Variants in CADPS observed in about 807,000 individuals in gnomAD.
CADPS encodes the protein calcium-dependent secretion activator 1.
Under a neutral mutation model 167.3 loss-of-function variants are expected in CADPS, and 57 were observed. The ratio of observed to expected loss-of-function variants is 0.34; its 90% CI spans 0.28 to 0.42. The LOEUF (loss-of-function observed/expected upper bound fraction) is 0.42, where lower values mean the gene tolerates loss of function less well. Ranked by LOEUF, CADPS falls within the 20% of genes least tolerant of loss-of-function variation. The probability of loss-of-function intolerance (pLI) is 1.00; values close to 1 mark genes in which losing one functional copy is unlikely to be tolerated. For missense variants in CADPS, 1,414 were observed against 1,738.1 expected, an observed-to-expected ratio of 0.81 and a Z score of 3.32; for synonymous variants, 676 against 635.3, an observed-to-expected ratio of 1.06 and a Z score of -0.96.
intron 3 of CADPS, among the ~76,000 whole-genome samples, chr3:62,667,848 A>G (rs1338086082): frequency 6.6e-6 from 1 of 152,048 alleles, no homozygotes; most frequent in Admixed American, 6.5e-5. Context: ...AGGTCTACGT[A>G]TCAGCAAAAT....
intron 1 of CADPS, among the ~76,000 whole-genome samples, chr3:62,802,011 C>T (rs150150697): frequency 3.9e-5 from 6 of 152,182 alleles, no homozygotes; most frequent in African/African-American, 1.4e-4. Flanking sequence ...GGTTTCTATC[C>T]AGTGAAGTCT....
intron 1 of CADPS, among the ~76,000 whole-genome samples, chr3:62,783,019 G>A (rs760553174): frequency 6.6e-6 from 1 of 152,076 alleles, no homozygotes; most frequent in African/African-American, 2.4e-5. Context: ...CTCAGCTTCC[G>A]AAAGTGCTGG....
At chr3:62,489,397 T>A (rs1317938145) in intron 21 of CADPS, among the ~76,000 whole-genome samples, 21 of 152,336 alleles carry the variant, frequency 1.4e-4, no homozygotes, top group Non-Finnish European at 4.4e-5. Flanking sequence ...CCTGACCTTG[T>A]GATCCACCCG....
intron 11 of CADPS, among the ~76,000 whole-genome samples, chr3:62,548,222 TA>T (rs373175950): frequency 6.6e-6 from 1 of 151,984 alleles, no homozygotes; most frequent in East Asian, 1.9e-4. Context: ...TGTCATACTT[TA>T]AAAAAAACAC....
chr3:62,639,072 G>A (rs2066896025), intron 6 of CADPS, among the ~76,000 whole-genome samples: 2 of 151,978 alleles, frequency 1.3e-5, no homozygotes, highest in South Asian at 4.2e-4. Context: ...CACACAAACT[G>A]GTCTTAAATA....
intron 6 of CADPS, among the ~76,000 whole-genome samples, chr3:62,624,784 TG>T (rs1467252880): frequency 6.6e-6 from 1 of 152,170 alleles, no homozygotes; most frequent in African/African-American, 2.4e-5. Context: ...TGTTCTGAGG[TG>T]GGGTGTGTAG....
At chr3:62,591,237 G>A (rs541853983) in intron 7 of CADPS, among the ~76,000 whole-genome samples, 44 of 152,288 alleles carry the variant, frequency 2.9e-4, no homozygotes, top group Admixed American at 2.4e-3. Flanking sequence ...TTCTGTCTCC[G>A]TGGAGATTTT....
intron 3 of CADPS, among the ~76,000 whole-genome samples, chr3:62,738,321 T>C (rs1344693706): frequency 6.6e-6 from 1 of 152,172 alleles, no homozygotes; most frequent in African/African-American, 2.4e-5. Context: ...CTGAAAGATA[T>C]GTGAAATAAC....
intron 18 of CADPS, among the ~76,000 whole-genome samples, chr3:62,497,657 G>C (rs910578781): frequency 1.3e-5 from 2 of 152,168 alleles, no homozygotes; most frequent in Non-Finnish European, 2.9e-5. Flanking sequence ...GCCTCAAGGG[G>C]TCTTACCCCC....
intron 3 of CADPS, among the ~76,000 whole-genome samples, chr3:62,664,517 A>G (rs950731644): frequency 6.6e-6 from 1 of 152,202 alleles, no homozygotes; most frequent in African/African-American, 2.4e-5. Context: ...TTAGGTTCCA[A>G]TGAGCTGCTT....
chr3:62,854,990 T>A (rs1165969966), intron 1 of CADPS, among the ~76,000 whole-genome samples: 1 of 151,856 alleles, frequency 6.6e-6, no homozygotes, highest in Non-Finnish European at 1.5e-5. Context: ...AGTGGCATGA[T>A]CTTGGCTCAC....
At chr3:62,593,709 C>T (rs1224182416) in intron 6 of CADPS, among the ~76,000 whole-genome samples, 1 of 152,210 alleles carries the variant, frequency 6.6e-6, no homozygotes, top group Admixed American at 6.5e-5. Flanking sequence ...TTCTCCCCAC[C>T]CATTCACTGG....
chr3:62,702,672 G>A (rs967752981), intron 3 of CADPS, among the ~76,000 whole-genome samples: 1 of 152,074 alleles, frequency 6.6e-6, no homozygotes, highest in Admixed American at 6.6e-5. Flanking sequence ...TTTCTGCAAT[G>A]GTAGACATGT....
intron 4 of CADPS, among the ~76,000 whole-genome samples, chr3:62,652,662 CAA>C (rs2070506424): frequency 1.4e-5 from 2 of 148,142 alleles, no homozygotes; most frequent in African/African-American, 5.0e-5. Context: ...GAGGTAGAGA[CAA>C]AGAGAGAGAA....
At chr3:62,501,701 G>C (rs1373887458) in intron 17 of CADPS, among the ~76,000 whole-genome samples, 1 of 151,962 alleles carries the variant, frequency 6.6e-6, no homozygotes, top group Non-Finnish European at 1.5e-5. Flanking sequence ...TTATGACATA[G>C]GATAAATAAA....
rs1239018825 is a variant in CADPS at position 62,422,282 on chromosome 3, CT to C, written c.3777+15821del. On this transcript the variant is annotated intron_variant, in intron 28 of 29. Transcript: ENST00000383710. ...GCAGTGCTGACCTCAGCCACTGCCC[CT>C]GAGCCCCCAACCTGAATGCCAAAAC... Among the ~76,000 whole-genome samples, 9 of 152,240 alleles carry C rather than the reference CT, an allele frequency of 5.9e-5. No individual in the cohort carries two copies. In the East Asian group the frequency reaches 1.5e-3, roughly 26 times the overall value.
intron 3 of CADPS, among the ~76,000 whole-genome samples, chr3:62,728,379 A>G (rs529869): frequency 0.57 from 85,734 of 151,436 alleles, 26,561 homozygotes; most frequent in African/African-American, 0.82. Context: ...AATTAGGAAA[A>G]TTTTTTCTAT....
intron 1 of CADPS, among the ~76,000 whole-genome samples, chr3:62,773,798 A>G (rs906767683): frequency 1.3e-5 from 2 of 152,214 alleles, no homozygotes; most frequent in African/African-American, 4.8e-5. Flanking sequence ...TCTTCTATAT[A>G]TAACAATTCT....
intron 1 of CADPS, among the ~76,000 whole-genome samples, chr3:62,860,590 C>G (rs768185185): frequency 6.6e-6 from 1 of 152,154 alleles, no homozygotes; most frequent in Non-Finnish European, 1.5e-5. Context: ...TTCAAACCCA[C>G]GTTGGTCAAG....
Sources: gnomAD v4.1 joint callset for allele counts (sites outside exome capture counted in the v4.1 genomes callset) on GRCh38, gnomAD v4.1.1 for gene constraint, MANE v1.5 for transcripts, NCBI Gene and HGNC (gene_info 2026-07-23, HGNC 2026-07-21) for gene names.